IPCEF1: variants seen among roughly 807,000 people sequenced by gnomAD.
IPCEF1 encodes the protein interaction protein for cytohesin exchange factors 1.
Under a neutral mutation model 50.9 loss-of-function variants are expected in IPCEF1, and 31 were observed. The observed-to-expected ratio is 0.61, with a 90% confidence interval of 0.46 to 0.82. The LOEUF (loss-of-function observed/expected upper bound fraction) is 0.82. Ranked by LOEUF, IPCEF1 falls within the 40% of genes least tolerant of loss-of-function variation. The probability of loss-of-function intolerance (pLI) is 0.00; values close to 1 mark genes in which losing one functional copy is unlikely to be tolerated. For synonymous variants in IPCEF1, 181 were observed against 192.0 expected (o/e 0.94, Z 0.47); for missense variants, 458 against 514.0 (o/e 0.89, Z 1.05).
chr6:154,320,870 A>G (rs1186514820), intron 1 of IPCEF1, among the ~76,000 whole-genome samples: 3 of 152,164 alleles, frequency 2.0e-5, no homozygotes, highest in African/African-American at 7.2e-5. Flanking sequence ...TTTTATCTAT[A>G]GACATATATA....
At position 154,167,876 on chromosome 6, in the gene IPCEF1, G is replaced by A. The variant is rs368272275; in HGVS notation, c.1104+44C>T. The A allele has an allele frequency of 1.6e-5, 22 of 1,418,390 alleles. No individual in the cohort carries two copies. In the African/African-American group the frequency reaches 3.1e-4, roughly 20 times the overall value. 87.9% of individuals were successfully genotyped at this position (1,418,390 alleles called of 1,614,324 possible). Reference sequence around the variant, plus strand: ...CTCTCTGCAGAACCAGCCGTTCCTTGCCCCACATCCATAGAGTTCATCCAC... The same window carrying A: ...CTCTCTGCAGAACCAGCCGTTCCTTACCCCACATCCATAGAGTTCATCCAC... On this transcript the variant is annotated intron_variant, in intron 11 of 11. Coordinates refer to ENST00000367220, the MANE Select transcript of IPCEF1 (RefSeq NM_001130700.2).
chr6:154,177,664 A>C (rs1048140628), intron 10 of IPCEF1, among the ~76,000 whole-genome samples: 1 of 152,238 alleles, frequency 6.6e-6, no homozygotes, highest in African/African-American at 2.4e-5. Flanking sequence ...GATGTGGAGA[A>C]ATAGGAACAC....
At chr6:154,254,636 T>C (rs952498793) in intron 3 of IPCEF1, among the ~76,000 whole-genome samples, 1 of 152,250 alleles carries the variant, frequency 6.6e-6, no homozygotes, top group Non-Finnish European at 1.5e-5. Context: ...CTGCTAATTT[T>C]GTTTTCCAAA....
At chr6:154,215,499 G>A (rs919941326) in intron 7 of IPCEF1, among the ~76,000 whole-genome samples, 4 of 152,124 alleles carry the variant, frequency 2.6e-5, no homozygotes, top group African/African-American at 4.8e-5. Context: ...CCAGCTACTC[G>A]GGAGTCTGAG....
At chr6:154,207,878 CTGTT>C (rs1392557356) in intron 9 of IPCEF1, among the ~76,000 whole-genome samples, 1 of 152,168 alleles carries the variant, frequency 6.6e-6, no homozygotes, top group Non-Finnish European at 1.5e-5. Context: ...TTTATCTCCT[CTGTT>C]TGTCTCATAT....
intron 7 of IPCEF1, among the ~76,000 whole-genome samples, chr6:154,215,361 C>CA (rs1254339749): frequency 1.3e-5 from 2 of 152,112 alleles, no homozygotes; most frequent in Non-Finnish European, 2.9e-5. Flanking sequence ...CCCAGCACTT[C>CA]AGGAGGCCAA....
rs1400630681 is a variant in IPCEF1, at chr6:154,168,235, G to A, written c.911-122C>T. The A allele has an allele frequency of 7.5e-6, 5 of 663,686 alleles. No individual in the cohort carries two copies. Among genetic ancestry groups the A allele is most frequent in the African/African-American group, 3.6e-5 (2 of 56,032 alleles). The allele number at this position is 663,686 out of a possible 1,614,324, so 41.1% of individuals were successfully genotyped here. A position where few individuals can be genotyped will look rare whatever the true frequency, so the allele number is the denominator to read the frequency against. ...GCACCCTCATCTCAGACTTCTCTCCGGAACTGAAAGACAATAAATGTTTGC... is the reference window on the plus strand; with the variant it reads ...GCACCCTCATCTCAGACTTCTCTCCAGAACTGAAAGACAATAAATGTTTGC... On this transcript the variant is annotated intron_variant, in intron 10 of 11. Coordinates refer to ENST00000367220, the MANE Select transcript of IPCEF1 (RefSeq NM_001130700.2). This position sits in a 1 kb window ranked among gnomAD's most constrained non-coding sequence, Gnocchi z 4.1.
chr6:154,337,654 T>C (rs1002101424), intron 1 of IPCEF1, among the ~76,000 whole-genome samples: 1 of 152,148 alleles, frequency 6.6e-6, no homozygotes, highest in African/African-American at 2.4e-5. Flanking sequence ...ATTTCCGTTA[T>C]TTGTGGGGTA....
chr6:154,190,196 G>A (rs942683966), intron 10 of IPCEF1, among the ~76,000 whole-genome samples: 5 of 151,880 alleles, frequency 3.3e-5, no homozygotes, highest in African/African-American at 1.2e-4. Context: ...TGTACATGTA[G>A]AGTAATAAAA....
intron 3 of IPCEF1, among the ~76,000 whole-genome samples, chr6:154,254,623 A>C (rs1027033221): frequency 6.6e-5 from 10 of 152,136 alleles, no homozygotes; most frequent in Admixed American, 5.9e-4. Flanking sequence ...ACCTAAATCA[A>C]AACTGCTAAT....
chr6:154,354,401 CCAT>C, intron 1 of IPCEF1, among the ~76,000 whole-genome samples: 6 of 149,672 alleles, frequency 4.0e-5, no homozygotes, highest in Admixed American at 6.6e-5. Flanking sequence ...CCTCCAACCA[CCAT>C]CTCCACCACC....
intron 1 of IPCEF1, among the ~76,000 whole-genome samples, chr6:154,350,715 TTG>T (rs1481690193): frequency 2.6e-5 from 4 of 152,144 alleles, no homozygotes; most frequent in Admixed American, 6.6e-5. Flanking sequence ...ATCAACGCAA[TTG>T]GTTAGTTTTT....
chr6:154,331,461 AAAAG>A (rs1244659844), intron 1 of IPCEF1, among the ~76,000 whole-genome samples: 5 of 135,442 alleles, frequency 3.7e-5, no homozygotes, highest in South Asian at 4.6e-4. Context: ...GAAAGAAAGG[AAAAG>A]AAAGAAAGGG....
chr6:154,296,296 T>A (rs1782655504), intron 1 of IPCEF1, among the ~76,000 whole-genome samples: 1 of 151,928 alleles, frequency 6.6e-6, no homozygotes, highest in African/African-American at 2.4e-5. Context: ...AAGAAGAGGA[T>A]GTAAAGAAGA....
chr6:154,319,514 A>G (rs1217596090), intron 1 of IPCEF1, among the ~76,000 whole-genome samples: 3 of 152,342 alleles, frequency 2.0e-5, no homozygotes, highest in African/African-American at 7.2e-5. Flanking sequence ...CATAAAGAAA[A>G]CAGAAGATGA....
At position 154,303,003 on chromosome 6, in the gene IPCEF1, C is replaced by G. The variant is rs368424903; in HGVS notation, c.-61-13247G>C. On this transcript the variant is annotated intron_variant, in intron 1 of 11. Coordinates refer to ENST00000367220, the MANE Select transcript of IPCEF1 (RefSeq NM_001130700.2). The stretch of plus-strand genomic sequence containing the variant: ...TCACTACTTATCATCTTTAGTGAGG[C>G]AATGTTGACCAGCAACCCAACAGCT... Among the ~76,000 whole-genome samples, 6 of 151,978 alleles carry G rather than the reference C, an allele frequency of 3.9e-5. No individual in the cohort carries two copies. The East Asian group carries it at 7.7e-4, about 20-fold the overall frequency.
At chr6:154,246,126 G>A (rs1781022488) in intron 5 of IPCEF1, among the ~76,000 whole-genome samples, 1 of 152,092 alleles carries the variant, frequency 6.6e-6, no homozygotes, top group Non-Finnish European at 1.5e-5. Flanking sequence ...GGAAAGAAGG[G>A]GAAGAAGAAA....
chr6:154,213,535 A>T (rs1037834631), intron 8 of IPCEF1, among the ~76,000 whole-genome samples: 35 of 152,160 alleles, frequency 2.3e-4, no homozygotes, highest in African/African-American at 8.5e-4. Flanking sequence ...CCACTTTTCC[A>T]TTTCTAACTA....
intron 2 of IPCEF1, among the ~76,000 whole-genome samples, chr6:154,271,637 A>G (rs1781904895): frequency 6.6e-6 from 1 of 152,128 alleles, no homozygotes; most frequent in Admixed American, 6.5e-5. Flanking sequence ...TTGAAGTATA[A>G]GGGGGTACAT....
Sources: allele counts gnomAD v4.1 joint callset (sites outside exome capture counted in the v4.1 genomes callset), GRCh38; gene constraint gnomAD v4.1.1; non-coding constraint Gnocchi (gnomAD v3.1); transcripts MANE v1.5; gene names NCBI Gene and HGNC (gene_info 2026-07-23, HGNC 2026-07-21).